CHRM3: variants seen among roughly 807,000 people sequenced by gnomAD.
CHRM3 encodes the protein muscarinic acetylcholine receptor M3.
In CHRM3, 11 loss-of-function variants were observed where a neutral mutation model predicts 41.8. The ratio of observed to expected loss-of-function variants is 0.26; its 90% confidence interval spans 0.17 to 0.44. CHRM3 has a LOEUF of 0.44. CHRM3 is among the 20% of genes least tolerant of loss of function. CHRM3 has a pLI of 1.00. For synonymous variants in CHRM3, 297 were observed against 301.4 expected (o/e 0.99, Z 0.15); for missense variants, 571 against 745.4 (o/e 0.77, Z 2.72).
intron 6 of CHRM3, among the ~76,000 whole-genome samples, chr1:239,891,710 C>T (rs1291119187): frequency 1.3e-5 from 2 of 152,160 alleles, no homozygotes; most frequent in Non-Finnish European, 2.9e-5. Context: ...AGTTTCCAGC[C>T]CTCTGACTGT....
At chr1:239,614,619 A>G (rs1667429236) in intron 3 of CHRM3, among the ~76,000 whole-genome samples, 1 of 152,154 alleles carries the variant, frequency 6.6e-6, no homozygotes, top group African/African-American at 2.4e-5. Context: ...TTTCACGCTT[A>G]TTTACCAAAT....
rs150229411 is a variant in CHRM3, at chr1:239,888,353, C to T, written c.-19-19080C>T. ...ACTGCATTCCACACTCCAGCCTGAG[C>T]GAGAGACTCTGTCTCAAAAAAAAAA... is the stretch of plus-strand genomic sequence containing the variant. On this transcript the variant is annotated intron_variant, in intron 6 of 6. Coordinates refer to ENST00000676153, the MANE Select transcript of CHRM3 (RefSeq NM_001375978.1). Among the ~76,000 whole-genome samples the T allele has an allele frequency of 2.1e-3, 317 of 149,698 alleles. 1 individual carries two copies. Among genetic ancestry groups the T allele is most frequent in the African/African-American group, 7.5e-3 (304 of 40,434 alleles).
intron 2 of CHRM3, among the ~76,000 whole-genome samples, chr1:239,511,343 A>T (rs1668908187): frequency 6.6e-6 from 1 of 152,182 alleles, no homozygotes; most frequent in African/African-American, 2.4e-5. Context: ...GTCATCTTGT[A>T]GTCCTATTTA....
intron 5 of CHRM3, among the ~76,000 whole-genome samples, chr1:239,714,809 G>A (rs956015576): frequency 6.6e-6 from 1 of 152,110 alleles, no homozygotes; most frequent in African/African-American, 2.4e-5. Flanking sequence ...ATGAGTTTGG[G>A]GATTTTAGAT....
intron 1 of CHRM3, among the ~76,000 whole-genome samples, chr1:239,433,898 A>G (rs1663028778): frequency 6.6e-6 from 1 of 152,052 alleles, no homozygotes; most frequent in South Asian, 2.1e-4. Context: ...TACTTTTGCA[A>G]TTGTGGATTT....
At chr1:239,743,756 C>CTTCTTT (rs958765197) in intron 5 of CHRM3, among the ~76,000 whole-genome samples, 35 of 135,274 alleles carry the variant, frequency 2.6e-4, no homozygotes, top group Admixed American at 9.7e-4. Context: ...CCTCAGTGAT[C>CTTCTTT]TTCTTTTTCT....
chr1:239,827,147 C>CA (rs935365056), intron 5 of CHRM3, 105 bp from the exon 6 acceptor site: 1 of 152,152 alleles, frequency 6.6e-6, no homozygotes, highest in African/African-American at 2.4e-5. Flanking sequence ...GGAGGGAAAA[C>CA]AGAGACATTG....
intron 4 of CHRM3, among the ~76,000 whole-genome samples, chr1:239,653,874 G>GA (rs1672465935): frequency 6.6e-6 from 1 of 152,080 alleles, no homozygotes; most frequent in South Asian, 2.1e-4. Flanking sequence ...CAAGAGAGGA[G>GA]AAAAACAAAA....
At chr1:239,643,295 A>G (rs1266259564) in intron 4 of CHRM3, among the ~76,000 whole-genome samples, 15 of 152,172 alleles carry the variant, frequency 9.9e-5, no homozygotes, top group Admixed American at 9.8e-4. Flanking sequence ...GCTCTCTTCA[A>G]AGCTGTCAGA....
At chr1:239,477,179 A>G (rs1666523887) in intron 1 of CHRM3, among the ~76,000 whole-genome samples, 1 of 152,202 alleles carries the variant, frequency 6.6e-6, no homozygotes, top group Non-Finnish European at 1.5e-5. Flanking sequence ...ATGTGACTCA[A>G]CCACTTTTTA....
At chr1:239,756,945 GT>G (rs1666293666) in intron 5 of CHRM3, among the ~76,000 whole-genome samples, 1 of 152,110 alleles carries the variant, frequency 6.6e-6, no homozygotes, top group Non-Finnish European at 1.5e-5. Flanking sequence ...AATTGTTTGA[GT>G]TTTTAAGCAT....
At chr1:239,854,889 G>A (rs1240225736) in intron 6 of CHRM3, among the ~76,000 whole-genome samples, 1 of 152,098 alleles carries the variant, frequency 6.6e-6, no homozygotes, top group Non-Finnish European at 1.5e-5. Context: ...AAAGTTAATT[G>A]CTTCGTTTTA....
intron 4 of CHRM3, among the ~76,000 whole-genome samples, chr1:239,647,768 T>A (rs1328213849): frequency 6.6e-6 from 1 of 152,194 alleles, no homozygotes; most frequent in Admixed American, 6.5e-5. Flanking sequence ...CTCCTGTATG[T>A]CATACAGGTG....
At chr1:239,581,992 A>T (rs1051715876) in intron 3 of CHRM3, among the ~76,000 whole-genome samples, 1 of 152,244 alleles carries the variant, frequency 6.6e-6, no homozygotes, top group East Asian at 1.9e-4. Context: ...GAAAGAATAC[A>T]TGTAAATATC....
intron 2 of CHRM3, among the ~76,000 whole-genome samples, chr1:239,517,987 T>A (rs1398596833): frequency 6.6e-6 from 1 of 152,044 alleles, no homozygotes; most frequent in African/African-American, 2.4e-5. Flanking sequence ...GTGCCTGTAG[T>A]CCCAGCTACT....
intron 5 of CHRM3, among the ~76,000 whole-genome samples, chr1:239,739,861 C>T (rs982096904): frequency 1.3e-5 from 2 of 152,158 alleles, no homozygotes; most frequent in African/African-American, 4.8e-5. Flanking sequence ...GGGCCCTTCA[C>T]ATCTGGAGGC....
chr1:239,522,573 G>A (rs543520147), intron 2 of CHRM3, among the ~76,000 whole-genome samples: 233 of 152,326 alleles, frequency 1.5e-3, no homozygotes, highest in African/African-American at 5.3e-3. Context: ...TGCAATAATA[G>A]GTAGCAGACA....
chr1:239,410,281 G>T (rs941303587), intron 1 of CHRM3, among the ~76,000 whole-genome samples: 1 of 151,938 alleles, frequency 6.6e-6, no homozygotes, highest in Admixed American at 6.6e-5. Flanking sequence ...TTCTCAATGG[G>T]ATTTTTCTCA....
intron 6 of CHRM3, among the ~76,000 whole-genome samples, chr1:239,866,248 G>T (rs1457925377): frequency 6.6e-6 from 1 of 152,014 alleles, no homozygotes; most frequent in African/African-American, 2.4e-5. Flanking sequence ...GTGGTGGCGG[G>T]CACCTGTAGT....
Sources: gnomAD v4.1 joint callset for allele counts (sites outside exome capture counted in the v4.1 genomes callset) on GRCh38, gnomAD v4.1.1 for gene constraint, MANE v1.5 for transcripts, NCBI Gene and HGNC (gene_info 2026-07-23, HGNC 2026-07-21) for gene names.